PCDHGA8: variants seen among roughly 807,000 people sequenced by gnomAD.
The protein encoded by PCDHGA8 is protocadherin gamma-A8.
In PCDHGA8, 45 loss-of-function variants were observed where a neutral mutation model predicts 59.2. The ratio of observed to expected loss-of-function variants is 0.76; its 90% CI spans 0.60 to 0.98. The LOEUF is 0.98. PCDHGA8 is among the 50% of genes least tolerant of loss of function. The pLI, the probability that PCDHGA8 is intolerant of heterozygous loss-of-function variation, is 0.00. For missense variants in PCDHGA8, 1,257 were observed against 1,196.2 expected (o/e 1.05, Z -0.75); for synonymous variants, 531 against 519.0 (o/e 1.02, Z -0.32).
intron 3 of PCDHGA8, among the ~76,000 whole-genome samples, chr5:141,510,566 A>G (rs2154594633): frequency 6.6e-6 from 1 of 152,288 alleles, no homozygotes; most frequent in South Asian, 2.1e-4. Flanking sequence ...TACATCTACC[A>G]GGCACTATTT....
chr5:141,419,317 T>C, intron 1 of PCDHGA8: 1 of 1,613,952 alleles, frequency 6.2e-7, no homozygotes, highest in Non-Finnish European at 8.5e-7. Flanking sequence ...TCAACGGCCG[T>C]GTCTCCTACT....
intron 1 of PCDHGA8, among the ~76,000 whole-genome samples, chr5:141,455,082 G>A (rs1323760148): frequency 1.3e-5 from 2 of 151,932 alleles, no homozygotes; most frequent in African/African-American, 2.4e-5. Context: ...AAAGTGCTGG[G>A]ATTACAGGCT....
intron 1 of PCDHGA8, among the ~76,000 whole-genome samples, chr5:141,397,195 GAT>G (rs2093485710): frequency 1.3e-5 from 2 of 152,150 alleles, no homozygotes; most frequent in Admixed American, 1.3e-4. Context: ...TACTGTAAAA[GAT>G]ATGACATAAG....
At position 141,490,516 on chromosome 5, in the gene PCDHGA8, G is replaced by T. The variant is rs768123119; in HGVS notation, c.2425-4291G>T. The T allele has an allele frequency of 6.2e-7, 1 of 1,613,828 alleles. No individual in the cohort carries two copies. The highest frequency in any genetic ancestry group is 2.2e-5 in the East Asian group (1 of 44,864). On this transcript the variant is annotated intron_variant, in intron 1 of 3. Transcript: ENST00000398604. This position sits in a 1 kb window ranked among gnomAD's most constrained non-coding sequence, Gnocchi z 5.4. ...ATCCCACTATATCATCGAGCTGCTG[G>T]CCAGCGATGCTGGTTCACCTTCCCT... is the stretch of plus-strand genomic sequence containing the variant.
chr5:141,494,676 C>G, intron 1 of PCDHGA8, 131 bp from the exon 2 acceptor site: 1 of 1,550,918 alleles, frequency 6.4e-7, no homozygotes, highest in African/African-American at 1.4e-5. Context: ...GAGTCCACCC[C>G]TGCCCCCTCT....
rs2099629299 is a variant in PCDHGA8, at chr5:141,486,426, A to G, written c.2425-8381A>G. ...GCTGGACCCTTGGATCGAGAGGCCA[A>G]ATCTAGCTATGACATCATGGTCACT... On this transcript the variant is annotated intron_variant, in intron 1 of 3. Transcript: ENST00000398604. The surrounding 1 kb of genome is among the most constrained non-coding windows in gnomAD (Gnocchi z 5.0). 1.9e-6 allele frequency: 3 copies of G among 1,614,190 alleles called. No individual in the cohort carries two copies. Among genetic ancestry groups the G allele is most frequent in the Non-Finnish European group, 2.5e-6 (3 of 1,180,026 alleles).
At chr5:141,410,849 CTTTTTTTTTTTT>C (rs759346998) in intron 1 of PCDHGA8, 1 of 129,786 alleles carries the variant, frequency 7.7e-6, no homozygotes, top group East Asian at 2.3e-4. Flanking sequence ...TTGTCTTTGT[CTTTTTTTTTTTT>C]TTTTTTTTTT....
At chr5:141,473,810 G>A (rs549204595) in intron 1 of PCDHGA8, among the ~76,000 whole-genome samples, 1 of 152,334 alleles carries the variant, frequency 6.6e-6, no homozygotes, top group South Asian at 2.1e-4. Flanking sequence ...CTGAGGAGCA[G>A]CTGGACAATT....
chr5:141,503,260 C>A (rs2154593294), intron 2 of PCDHGA8, among the ~76,000 whole-genome samples: 1 of 152,178 alleles, frequency 6.6e-6, no homozygotes, highest in African/African-American at 2.4e-5. Flanking sequence ...ACAGCCACAA[C>A]CCCAGCACCT....
intron 1 of PCDHGA8, chr5:141,404,335 C>G (rs2094514976): frequency 1.2e-6 from 2 of 1,613,936 alleles, no homozygotes; most frequent in Non-Finnish European, 1.7e-6. Context: ...CAGTCTACCT[C>G]CCGGAAAACA....
At position 141,413,874 on chromosome 5, in the gene PCDHGA8, T is replaced by G. The variant is rs1371905896; in HGVS notation, c.2424+18637T>G. ...TCCGATCTGGCACTGTCCTTGTCAG[T>G]GTGACTGTCTTCGATGCAAATGACA... is the stretch of plus-strand genomic sequence containing the variant. On this transcript the variant is annotated intron_variant, in intron 1 of 3. Coordinates refer to ENST00000398604, the MANE Select transcript of PCDHGA8 (RefSeq NM_032088.2). 6 of 1,613,306 alleles carry G rather than the reference T, an allele frequency of 3.7e-6. No homozygotes were observed. In the African/African-American group the frequency reaches 8.0e-5, roughly 22 times the overall value.
rs1562131721 is a variant in PCDHGA8, at chr5:141,489,636, C to CGAGA, written c.2425-5171_2425-5170insGAGA. 10 of 1,614,074 alleles carry CGAGA rather than the reference C, an allele frequency of 6.2e-6. No individual in the cohort carries two copies. The highest frequency in any genetic ancestry group is 2.7e-5 in the African/African-American group (2 of 74,930). On this transcript the variant is annotated intron_variant, in intron 1 of 3. Coordinates refer to ENST00000398604, the MANE Select transcript of PCDHGA8 (RefSeq NM_032088.2). This position sits in a 1 kb window ranked among gnomAD's most constrained non-coding sequence, Gnocchi z 4.5. ...TGGATCTCAATGACAACTCTCCTAG[C>CGAGA]TTTGCCACCCCTGAGCGAGAGATGC...
At position 141,490,545 on chromosome 5, in the gene PCDHGA8, C is replaced by T; in HGVS notation, c.2425-4262C>T. 3 of 1,614,164 alleles carry T rather than the reference C, an allele frequency of 1.9e-6. No homozygotes were observed. The highest frequency in any genetic ancestry group is 2.5e-6 in the Non-Finnish European group (3 of 1,180,018). ...GCGATGCTGGTTCACCTTCCCTACA[C>T]AAACATCTCACCATCAGGCTCAACA... On this transcript the variant is annotated intron_variant, in intron 1 of 3. Coordinates refer to ENST00000398604, the MANE Select transcript of PCDHGA8 (RefSeq NM_032088.2). The surrounding 1 kb of genome is among the most constrained non-coding windows in gnomAD (Gnocchi z 5.4).
chr5:141,485,109 CTGTT>C lies in PCDHGA8; in HGVS notation c.2425-9695_2425-9692del. ...AGATAGGTGTCTCCAGCTGCTGTGG[CTGTT>C]TGGGGCGGGTCGGCTTCATCCGCGT... On this transcript the variant is annotated intron_variant, in intron 1 of 3. Transcript: ENST00000398604. This position sits in a 1 kb window ranked among gnomAD's most constrained non-coding sequence, Gnocchi z 5.7. 8.1e-7 allele frequency: 1 copy of C among 1,230,964 alleles called. No individual in the cohort carries two copies. Among genetic ancestry groups the C allele is most frequent in the Non-Finnish European group, 1.2e-6 (1 of 850,026 alleles). The allele number at this position is 1,230,964 out of a possible 1,614,324, so 76.3% of individuals were successfully genotyped here.
chr5:141,409,312 AAC>A (rs762706827), intron 1 of PCDHGA8: 39 of 1,613,880 alleles, frequency 2.4e-5, no homozygotes, highest in Admixed American at 1.7e-4. Flanking sequence ...CCCTCTTCAA[AAC>A]ACGGGATCTG....
chr5:141,439,531 G>T (rs1474855779), intron 1 of PCDHGA8, among the ~76,000 whole-genome samples: 1 of 152,126 alleles, frequency 6.6e-6, no homozygotes, highest in Non-Finnish European at 1.5e-5. Context: ...TCTACAGAAC[G>T]CTGTCCTCTC....
chr5:141,417,112 G>T (rs1399534957), intron 1 of PCDHGA8: 3 of 152,030 alleles, frequency 2.0e-5, no homozygotes, highest in African/African-American at 7.3e-5. Flanking sequence ...AGCAATACAG[G>T]ACACCCTGGA....
chr5:141,484,962 G>A (rs2099604361), intron 1 of PCDHGA8: 1 of 577,858 alleles, frequency 1.7e-6, no homozygotes, highest in Non-Finnish European at 3.1e-6. Flanking sequence ...GGCTGAGCCC[G>A]GGAGCCGCTG....
intron 1 of PCDHGA8, among the ~76,000 whole-genome samples, chr5:141,448,931 C>G (rs966398044): frequency 1.3e-5 from 2 of 152,040 alleles, no homozygotes; most frequent in African/African-American, 4.8e-5. Context: ...GGCGACAGAG[C>G]AAGACTGCAA....
Sources: allele counts gnomAD v4.1 joint callset (sites outside exome capture counted in the v4.1 genomes callset), GRCh38; gene constraint gnomAD v4.1.1; non-coding constraint Gnocchi (gnomAD v3.1); transcripts MANE v1.5; gene names NCBI Gene and HGNC (gene_info 2026-07-23, HGNC 2026-07-21).